FMR1: variants seen among roughly 807,000 people sequenced by gnomAD.
FMR1 encodes the protein fragile X messenger ribonucleoprotein 1, also known as FMRP translational regulator 1.
FMR1 carries 13 observed loss-of-function variants against 50.6 expected under a neutral mutation model. That is an observed-to-expected ratio of 0.26 (90% CI 0.17 to 0.41). The LOEUF (loss-of-function observed/expected upper bound fraction) is 0.41. Ranked by LOEUF, FMR1 falls within the 10% of genes least tolerant of loss-of-function variation. The probability of loss-of-function intolerance (pLI) is 1.00; values close to 1 mark genes in which losing one functional copy is unlikely to be tolerated. For missense variants in FMR1, 316 were observed against 491.3 expected (o/e 0.64, Z 3.37); for synonymous variants, 138 against 164.1 (o/e 0.84, Z 1.22).
intron 9 of FMR1, among the ~76,000 whole-genome samples, chrX:147,935,660 A>G (rs145793653): frequency 3.1e-3 from 343 of 112,121 alleles, no homozygotes; most frequent in Non-Finnish European, 5.2e-3. Flanking sequence ...GAAAGCAGTC[A>G]TTTTCCAGTA....
chrX:147,915,226 A>G (rs782586203), intron 1 of FMR1, among the ~76,000 whole-genome samples: 5 of 112,178 alleles, frequency 4.5e-5, no homozygotes, highest in Non-Finnish European at 7.5e-5. Flanking sequence ...GATAAAGTGT[A>G]CAATCAAAAG....
intron 3 of FMR1, 127 bp downstream of exon 3, chrX:147,925,760 C>T (rs898557968): frequency 1.4e-5 from 7 of 517,660 alleles, no homozygotes; most frequent in Non-Finnish European, 2.4e-5. Context: ...GGAATGGACA[C>T]GTGCTTTTGA....
rs1167600404 is a variant in FMR1 at position 147,949,717 on chromosome X, A to C, written c.*873A>C. ...GCTAAAATGTTTTCAGCTAGGAACA[A>C]ATCTTCCTGGTCGAAAGTTAGTAGG... On this transcript the variant is annotated 3_prime_UTR_variant, in exon 17 of 17. Transcript: ENST00000370475. 3.1e-6 allele frequency: 1 copy of C among 327,502 alleles called. No homozygotes were observed. Among genetic ancestry groups the C allele is most frequent in the African/African-American group, 2.7e-5 (1 of 37,519 alleles). 27.0% of individuals were successfully genotyped at this position (327,502 alleles called of 1,213,427 possible).
intron 1 of FMR1, among the ~76,000 whole-genome samples, chrX:147,919,909 A>G (rs1048100005): frequency 3.5e-4 from 39 of 112,589 alleles, no homozygotes; most frequent in African/African-American, 1.1e-3. Flanking sequence ...TTTATATCAT[A>G]GGCCTTTGAA....
intron 1 of FMR1, among the ~76,000 whole-genome samples, chrX:147,912,555 C>T (rs1557174099): frequency 8.9e-6 from 1 of 112,974 alleles, no homozygotes; most frequent in African/African-American, 3.2e-5. Context: ...GGGCCGAAAT[C>T]GGCGCTAAGT....
chrX:147,933,672 A>C, intron 9 of FMR1: 1 of 798,177 alleles, frequency 1.3e-6, no homozygotes, highest in Non-Finnish European at 1.5e-6. Context: ...TGTAAATAAA[A>C]TTGGGACATA....
chrX:147,923,550 T>G (rs1015719850), intron 2 of FMR1, among the ~76,000 whole-genome samples: 1 of 112,157 alleles, frequency 8.9e-6, no homozygotes, highest in Non-Finnish European at 1.9e-5. Flanking sequence ...AACACTCATT[T>G]CCTCTATGCA....
intron 16 of FMR1, 129 bp from the exon 17 acceptor site, chrX:147,948,554 T>G: frequency 1.7e-6 from 2 of 1,150,128 alleles, no homozygotes; most frequent in Non-Finnish European, 2.3e-6. Context: ...CTTGCACTTC[T>G]TCTGTTCTCA....
At chrX:147,946,358 A>G (rs1180936318) in intron 16 of FMR1, among the ~76,000 whole-genome samples, 1 of 112,461 alleles carries the variant, frequency 8.9e-6, no homozygotes, top group Admixed American at 9.4e-5. Flanking sequence ...ACTAATAATC[A>G]TGATAGACAG....
intron 7 of FMR1, 39 bp downstream of exon 7, chrX:147,930,283 A>G: frequency 1.2e-6 from 1 of 805,213 alleles, no homozygotes; most frequent in Non-Finnish European, 1.9e-6. Flanking sequence ...AAGGGTACCT[A>G]GGAACGATTA....
chrX:147,922,450 T>G (rs2043213495), intron 2 of FMR1, among the ~76,000 whole-genome samples: 1 of 111,864 alleles, frequency 8.9e-6, no homozygotes, highest in Non-Finnish European at 1.9e-5. Context: ...ATGTTTCATA[T>G]GTTCAGCAAT....
intron 2 of FMR1, among the ~76,000 whole-genome samples, chrX:147,923,986 G>C (rs1411225231): frequency 9.0e-6 from 1 of 111,668 alleles, no homozygotes; most frequent in Non-Finnish European, 1.9e-5. Context: ...ATTGTTTTAG[G>C]TGCTTTGTTT....
At position 147,950,128 on chromosome X, in the gene FMR1, C is replaced by T. The variant is rs1557183288; in HGVS notation, c.*1284C>T. On this transcript the variant is annotated 3_prime_UTR_variant, in exon 17 of 17. Transcript: ENST00000370475. ...TATTGAGGAAAAATATGTGAAGGAC[C>T]TTCACTCTAAGATGTTATATTTTTC... 6.2e-6 allele frequency: 2 copies of T among 324,730 alleles called. No individual in the cohort carries two copies. The highest frequency in any genetic ancestry group is 5.9e-6 in the Non-Finnish European group (1 of 168,816). 26.8% of individuals were successfully genotyped at this position (324,730 alleles called of 1,213,427 possible). A position where few individuals can be genotyped will look rare whatever the true frequency, so the allele number is the denominator to read the frequency against.
At chrX:147,912,628 T>A (rs1557174113) in intron 1 of FMR1, 1 of 299,327 alleles carries the variant, frequency 3.3e-6, no homozygotes, top group South Asian at 1.8e-4. Flanking sequence ...GGGCCTGTCG[T>A]GTGGGTAGTT....
intron 1 of FMR1, among the ~76,000 whole-genome samples, chrX:147,917,599 A>C (rs2042936768): frequency 1.8e-5 from 2 of 111,342 alleles, no homozygotes; most frequent in Admixed American, 1.9e-4. Context: ...TTCTATCCCA[A>C]TTTTTAAAGC....
Position 147,937,594 on chromosome X carries a change from C to A in FMR1, c.1119C>A (p.Val373=). The change falls in exon 11 of 17, where the codon GTC becomes GTA. Residue 373 remains valine (V), a synonymous_variant. Coordinates refer to ENST00000370475, the MANE Select transcript of FMR1 (RefSeq NM_002024.6). The part of the protein sequence containing the change: ...THFSQPNSTK[V]QRVLVASSVV... The stretch of plus-strand genomic sequence containing the variant: ...TTTCTCAACCTAACAGTACAAAAGT[C>A]CAGAGGGTAAGAATTACTTGTCACT... 1 of 892,441 alleles carries A rather than the reference C, an allele frequency of 1.1e-6. No homozygotes were observed. Among genetic ancestry groups the A allele is most frequent in the Non-Finnish European group, 1.7e-6 (1 of 604,652 alleles). 73.5% of individuals were successfully genotyped at this position (892,441 alleles called of 1,213,427 possible). A position where few individuals can be genotyped will look rare whatever the true frequency, so the allele number is the denominator to read the frequency against.
chrX:147,946,017 C>T (rs2044159562), intron 16 of FMR1, among the ~76,000 whole-genome samples: 1 of 111,970 alleles, frequency 8.9e-6, no homozygotes, highest in Non-Finnish European at 1.9e-5. Flanking sequence ...GCTGGAATTA[C>T]AGGCATCCAC....
chrX:147,917,345 T>G (rs1348545590), intron 1 of FMR1, among the ~76,000 whole-genome samples: 1 of 112,288 alleles, frequency 8.9e-6, no homozygotes, highest in Non-Finnish European at 1.9e-5. Flanking sequence ...TAGATAGCTC[T>G]AGGCATTACA....
intron 5 of FMR1, among the ~76,000 whole-genome samples, chrX:147,929,575 C>CA (rs782413283): frequency 9.9e-6 from 1 of 101,337 alleles, no homozygotes; most frequent in South Asian, 4.3e-4. Context: ...TATGTACCCA[C>CA]AAAACTAAAA....
Sources: gnomAD v4.1 joint callset for allele counts (sites outside exome capture counted in the v4.1 genomes callset) on GRCh38, gnomAD v4.1.1 for gene constraint, MANE v1.5 for transcripts, NCBI Gene and HGNC (gene_info 2026-07-23, HGNC 2026-07-21) for gene names.